The following RAB3GAP2 variants were observed in gnomAD, a reference collection of about 807,000 sequenced individuals.
RAB3GAP2 encodes rab3 GTPase-activating protein non-catalytic subunit.
In RAB3GAP2, 87 loss-of-function variants were observed where a neutral mutation model predicts 185.3. The observed-to-expected ratio is 0.47, with a 90% CI of 0.39 to 0.56. The LOEUF is 0.56. RAB3GAP2 is among the 20% of genes least tolerant of loss of function. The pLI is 0.00. For synonymous variants in RAB3GAP2, 554 were observed against 576.1 expected (o/e 0.96, Z 0.55); for missense variants, 1,492 against 1,638.2 (o/e 0.91, Z 1.54).
chr1:220,270,537 G>A (rs1240947583), intron 1 of RAB3GAP2, among the ~76,000 whole-genome samples: 1 of 152,140 alleles, frequency 6.6e-6, no homozygotes, highest in Non-Finnish European at 1.5e-5. Flanking sequence ...ACAAGCCAAA[G>A]ACTTCCTAAA....
At chr1:220,216,048 G>C (rs532255556) in intron 2 of RAB3GAP2, among the ~76,000 whole-genome samples, 423 of 152,072 alleles carry the variant, frequency 2.8e-3, no homozygotes, top group Non-Finnish European at 5.0e-3. Flanking sequence ...TCAAAGAAAT[G>C]TTTAAAACAC....
At chr1:220,266,862 C>G in intron 1 of RAB3GAP2, 1 of 1,597,360 alleles carries the variant, frequency 6.3e-7, no homozygotes, top group Non-Finnish European at 8.6e-7. Context: ...CCCTCTGTTA[C>G]AAAGTCAGGG....
chr1:220,217,108 T>A (rs1404731858), intron 2 of RAB3GAP2, among the ~76,000 whole-genome samples: 1 of 152,114 alleles, frequency 6.6e-6, no homozygotes, highest in Admixed American at 6.6e-5. Flanking sequence ...AGAATTAGTG[T>A]CAGAGCCCAA....
At chr1:220,180,160 C>CA (rs990874917) in intron 21 of RAB3GAP2, among the ~76,000 whole-genome samples, 6 of 148,416 alleles carry the variant, frequency 4.0e-5, no homozygotes, top group Non-Finnish European at 6.0e-5. Context: ...GACTACGTCT[C>CA]AAAAAAAAAG....
At chr1:220,198,920 G>C (rs895633969) in intron 9 of RAB3GAP2, among the ~76,000 whole-genome samples, 4 of 152,138 alleles carry the variant, frequency 2.6e-5, no homozygotes, top group Admixed American at 6.6e-5. Context: ...AAGGAGACCT[G>C]AGTGAAGAGA....
chr1:220,193,122 A>T, intron 13 of RAB3GAP2, 118 bp downstream of exon 13: 1 of 1,320,650 alleles, frequency 7.6e-7, no homozygotes, highest in Non-Finnish European at 1.1e-6. Context: ...AAAAAAAGAA[A>T]ATGTAAACAT....
chr1:220,272,176 G>C lies in RAB3GAP2; in HGVS notation c.115+47C>G, dbSNP rs745555648. On this transcript the variant is annotated intron_variant, in intron 1 of 34. Coordinates refer to ENST00000358951, the MANE Select transcript of RAB3GAP2 (RefSeq NM_012414.4). ...AGGAGACTCGAACCCGTGAGCAGAG[G>C]CCGCGGGTGACGAGGGAAGGAAGGG... 6.0e-6 allele frequency: 9 copies of C among 1,489,098 alleles called. No homozygotes were observed. The South Asian group carries it at 1.1e-4, about 18-fold the overall frequency. 92.2% of individuals were successfully genotyped at this position (1,489,098 alleles called of 1,614,324 possible). A position where few individuals can be genotyped will look rare whatever the true frequency, so the allele number is the denominator to read the frequency against.
chr1:220,149,179 T>C lies in RAB3GAP2; in HGVS notation c.*2072A>G, dbSNP rs1034642221. The C allele has an allele frequency of 6.6e-6, 1 of 152,218 alleles. No homozygotes were observed. 9.4% of individuals were successfully genotyped at this position (152,218 alleles called of 1,614,324 possible). A position where few individuals can be genotyped will look rare whatever the true frequency, so the allele number is the denominator to read the frequency against. ...ATTTATTTTAAAAGCCCTTGATAAG[T>C]AGTAAAATATTTAACTGCTTTTCTT... On this transcript the variant is annotated 3_prime_UTR_variant, in exon 35 of 35. Coordinates refer to ENST00000358951, the MANE Select transcript of RAB3GAP2 (RefSeq NM_012414.4).
intron 9 of RAB3GAP2, among the ~76,000 whole-genome samples, chr1:220,199,833 C>T (rs758372997): frequency 6.6e-6 from 1 of 152,140 alleles, no homozygotes; most frequent in Non-Finnish European, 1.5e-5. Context: ...TATCTCAAAT[C>T]TGTCTACTTC....
intron 9 of RAB3GAP2, among the ~76,000 whole-genome samples, chr1:220,196,761 G>T (rs1658732633): frequency 6.6e-6 from 1 of 151,764 alleles, no homozygotes; most frequent in Non-Finnish European, 1.5e-5. Context: ...AACCTGGGAG[G>T]TGGAGGTTGC....
In RAB3GAP2 at chr1:220,151,911, CA is replaced by C. The variant is rs1657764587; in HGVS notation, c.3868-148del. 4 of 908,776 alleles carry C rather than the reference CA, an allele frequency of 4.4e-6. No homozygotes were observed. The South Asian group carries it at 7.0e-5, about 16-fold the overall frequency. 56.3% of individuals were successfully genotyped at this position (908,776 alleles called of 1,614,324 possible). Reference sequence around the variant, plus strand: ...GATTGTATACAACCAAAGATAAATCCAAATCAAACTTAGCATTTAAACCCAA... The same window carrying C: ...GATTGTATACAACCAAAGATAAATCCAATCAAACTTAGCATTTAAACCCAA... On this transcript the variant is annotated intron_variant, in intron 33 of 34. Transcript: ENST00000358951.
At chr1:220,190,800 C>A (rs1571891232) in intron 14 of RAB3GAP2, among the ~76,000 whole-genome samples, 2 of 152,216 alleles carry the variant, frequency 1.3e-5, no homozygotes, top group Admixed American at 1.3e-4. Flanking sequence ...AGGAACCTTT[C>A]CTTTTGAGCC....
At chr1:220,198,624 G>A (rs911030095) in intron 9 of RAB3GAP2, among the ~76,000 whole-genome samples, 2 of 151,978 alleles carry the variant, frequency 1.3e-5, no homozygotes, top group African/African-American at 4.8e-5. Context: ...GTATCTCAAC[G>A]TTTTATTAAA....
chr1:220,265,361 A>G (rs888867174), intron 1 of RAB3GAP2, among the ~76,000 whole-genome samples: 1 of 152,080 alleles, frequency 6.6e-6, no homozygotes, highest in African/African-American at 2.4e-5. Context: ...CAAGAAGGAA[A>G]ACTATTCCAC....
chr1:220,202,209 A>G, intron 9 of RAB3GAP2, 67 bp downstream of exon 9: 1 of 1,520,106 alleles, frequency 6.6e-7, no homozygotes, highest in Non-Finnish European at 8.9e-7. Flanking sequence ...CATTTCTAAT[A>G]AATGAGATAC....
intron 1 of RAB3GAP2, among the ~76,000 whole-genome samples, chr1:220,245,645 C>T (rs9430920): frequency 0.45 from 67,154 of 149,230 alleles, 17,124 homozygotes; most frequent in African/African-American, 0.7. Flanking sequence ...GCCGGGAAGC[C>T]CCAACTGGGT....
intron 2 of RAB3GAP2, chr1:220,220,678 C>G (rs779568396): frequency 6.6e-6 from 1 of 152,124 alleles, no homozygotes; most frequent in African/African-American, 2.4e-5. Flanking sequence ...GGGAAGAAGC[C>G]GGTGGGAGGT....
At chr1:220,171,188 T>C in intron 23 of RAB3GAP2, 68 bp from the exon 24 acceptor site, 6 of 1,384,988 alleles carry the variant, frequency 4.3e-6, no homozygotes, top group Non-Finnish European at 6.1e-6. Context: ...AATGAGCTTT[T>C]AACTTGAAAG....
chr1:220,150,669 A>G lies in RAB3GAP2; in HGVS notation c.*582T>C, dbSNP rs1657732417. The G allele has an allele frequency of 6.5e-6, 1 of 153,864 alleles. No homozygotes were observed. The highest frequency in any genetic ancestry group is 2.4e-5 in the African/African-American group (1 of 41,418). The allele number at this position is 153,864 out of a possible 1,614,324, so 9.5% of individuals were successfully genotyped here. On this transcript the variant is annotated 3_prime_UTR_variant, in exon 35 of 35. Transcript: ENST00000358951. Reference sequence around the variant, plus strand: ...CTTCTGATGAATATGATGATCTTGAACCCATTCTTCCTCCTCAAGCACGGT... The same window carrying G: ...CTTCTGATGAATATGATGATCTTGAGCCCATTCTTCCTCCTCAAGCACGGT...
Sources: gnomAD v4.1 joint callset for allele counts (sites outside exome capture counted in the v4.1 genomes callset) on GRCh38, gnomAD v4.1.1 for gene constraint, MANE v1.5 for transcripts, NCBI Gene and HGNC (gene_info 2026-07-23, HGNC 2026-07-21) for gene names.